ARHGAP6: variants seen among roughly 807,000 people sequenced by gnomAD.
The protein encoded by ARHGAP6 is Rho GTPase activating protein 6, also known as rho GTPase-activating protein 6.
In ARHGAP6, 16 loss-of-function variants were observed where a neutral mutation model predicts 55.7. The ratio of observed to expected loss-of-function variants is 0.29; its 90% CI spans 0.19 to 0.44. ARHGAP6 has a LOEUF of 0.44. ARHGAP6 is among the 20% of genes least tolerant of loss of function. The pLI, the probability that ARHGAP6 is intolerant of heterozygous loss-of-function variation, is 1.00. For synonymous variants in ARHGAP6, 382 were observed against 360.9 expected, an observed-to-expected ratio of 1.06 and a Z score of -0.66; for missense variants, 698 against 808.9, an observed-to-expected ratio of 0.86 and a Z score of 1.66.
chrX:11,565,152 G>C (rs1053138214), intron 1 of ARHGAP6, among the ~76,000 whole-genome samples: 1 of 112,285 alleles, frequency 8.9e-6, no homozygotes, highest in African/African-American at 3.2e-5. Context: ...ATAGGTACTA[G>C]TCTTTTCCTA....
intron 1 of ARHGAP6, among the ~76,000 whole-genome samples, chrX:11,258,861 T>G (rs2047523497): frequency 9.0e-6 from 1 of 111,681 alleles, no homozygotes; most frequent in Non-Finnish European, 1.9e-5. Flanking sequence ...TTTCTGTGGG[T>G]TCATAGTAGG....
chrX:11,319,945 T>TG (rs1481988876), intron 1 of ARHGAP6, among the ~76,000 whole-genome samples: 9 of 112,008 alleles, frequency 8.0e-5, no homozygotes, highest in East Asian at 2.8e-4. Flanking sequence ...TCTAAACAGC[T>TG]GGGGGGGAAA....
intron 1 of ARHGAP6, among the ~76,000 whole-genome samples, chrX:11,440,816 A>G (rs1355459843): frequency 8.9e-6 from 1 of 112,268 alleles, no homozygotes; most frequent in Non-Finnish European, 1.9e-5. Flanking sequence ...ATCAGTGGTT[A>G]CAGCACCAGC....
At chrX:11,455,935 A>C in intron 1 of ARHGAP6, among the ~76,000 whole-genome samples, 1 of 112,397 alleles carries the variant, frequency 8.9e-6, no homozygotes, top group Non-Finnish European at 1.9e-5. Flanking sequence ...TGTTGTTATA[A>C]TCTGCAGATG....
At chrX:11,442,629 T>C (rs1007047941) in intron 1 of ARHGAP6, among the ~76,000 whole-genome samples, 2 of 112,334 alleles carry the variant, frequency 1.8e-5, no homozygotes, top group Non-Finnish European at 3.8e-5. Context: ...TCCTTTGCTC[T>C]CTCCTTTGGC....
At chrX:11,588,598 A>G (rs189022433) in intron 1 of ARHGAP6, among the ~76,000 whole-genome samples, 158 of 112,651 alleles carry the variant, frequency 1.4e-3, no homozygotes, top group African/African-American at 4.7e-3. Flanking sequence ...AAGGAAATTA[A>G]GTACTGATAC....
At chrX:11,592,182 T>C in intron 1 of ARHGAP6, among the ~76,000 whole-genome samples, 1 of 112,188 alleles carries the variant, frequency 8.9e-6, no homozygotes, top group Non-Finnish European at 1.9e-5. Flanking sequence ...GGGAAGTTGA[T>C]GACACAGTGT....
chrX:11,344,678 C>CAAAAAAAAAAAAAAAAAAAAACAAAAAA (rs2048752045), intron 1 of ARHGAP6, among the ~76,000 whole-genome samples: 1 of 28,271 alleles, frequency 3.5e-5, no homozygotes, highest in Non-Finnish European at 5.8e-5. Flanking sequence ...AACTCCATCA[C>CAAAAAAAAAAAAAAAAAAAAACAAAAAA]AAAAAAAAAA....
At chrX:11,603,082 G>C (rs1251244213) in intron 1 of ARHGAP6, among the ~76,000 whole-genome samples, 2 of 112,123 alleles carry the variant, frequency 1.8e-5, no homozygotes, top group Non-Finnish European at 3.8e-5. Context: ...GCTCCAGAAA[G>C]GGCCATGAAC....
In ARHGAP6 at chrX:11,275,692, G is replaced by A. The variant is rs184720437; in HGVS notation, c.589-20985C>T. Among the ~76,000 whole-genome samples the A allele has an allele frequency of 6.3e-5, 7 of 111,594 alleles. No homozygotes were observed. The East Asian group carries it at 2.0e-3, about 32-fold the overall frequency. ...AACTCTGAGGTGAAAACACAAGATC[G>A]CTCAAGATCTGGCCACTGCTTAGCT... On this transcript the variant is annotated intron_variant, in intron 1 of 12. Coordinates refer to ENST00000337414, the MANE Select transcript of ARHGAP6 (RefSeq NM_013427.3).
intron 1 of ARHGAP6, among the ~76,000 whole-genome samples, chrX:11,606,886 A>AT (rs761887788): frequency 1.8e-5 from 2 of 112,043 alleles, no homozygotes; most frequent in Non-Finnish European, 3.8e-5. Flanking sequence ...AAATGTAGTG[A>AT]TTACAAATCC....
chrX:11,635,412 A>T (rs2052407408), intron 1 of ARHGAP6, among the ~76,000 whole-genome samples: 2 of 112,140 alleles, frequency 1.8e-5, no homozygotes, highest in South Asian at 3.7e-4. Context: ...TAAAATGAGC[A>T]TATATTACTT....
intron 2 of ARHGAP6, among the ~76,000 whole-genome samples, chrX:11,245,929 A>G (rs773118717): frequency 3.7e-4 from 42 of 112,180 alleles, no homozygotes; most frequent in Non-Finnish European, 7.1e-4. Context: ...AATAGATAGT[A>G]TCTCATATAA....
chrX:11,248,787 G>A (rs1262070724), intron 2 of ARHGAP6, among the ~76,000 whole-genome samples: 5 of 111,669 alleles, frequency 4.5e-5, no homozygotes, highest in African/African-American at 1.3e-4. Flanking sequence ...GTGTGGATGC[G>A]GTGAACAGGG....
intron 1 of ARHGAP6, among the ~76,000 whole-genome samples, chrX:11,493,256 G>A (rs2050589789): frequency 8.9e-6 from 1 of 112,080 alleles, no homozygotes; most frequent in Non-Finnish European, 1.9e-5. Context: ...ACTGTTACAA[G>A]TGGTTATTTC....
intron 1 of ARHGAP6, among the ~76,000 whole-genome samples, chrX:11,291,006 T>C (rs2047983939): frequency 1.8e-5 from 2 of 111,977 alleles, no homozygotes; most frequent in Admixed American, 9.4e-5. Context: ...AACATAAGCA[T>C]TGTGAGAACA....
chrX:11,628,341 G>T (rs1226322659), intron 1 of ARHGAP6, among the ~76,000 whole-genome samples: 1 of 112,205 alleles, frequency 8.9e-6, no homozygotes, highest in Non-Finnish European at 1.9e-5. Flanking sequence ...ATTCTATTAT[G>T]GTTACATTTG....
In ARHGAP6 at chrX:11,466,407, T is replaced by C. The variant is rs180756908; in HGVS notation, c.588+197834A>G. Among the ~76,000 whole-genome samples, 462 of 109,546 alleles carry C rather than the reference T, an allele frequency of 4.2e-3. 4 individuals carry two copies. Among genetic ancestry groups the C allele is most frequent in the African/African-American group, 0.015 (440 of 30,146 alleles). On this transcript the variant is annotated intron_variant, in intron 1 of 12. Coordinates refer to ENST00000337414, the MANE Select transcript of ARHGAP6 (RefSeq NM_013427.3). ...TTATAACCTCTTTGGTATCCTTATATAGGTTGAGAAAGAATATGAAAAAAA... is the reference window on the plus strand; with the variant it reads ...TTATAACCTCTTTGGTATCCTTATACAGGTTGAGAAAGAATATGAAAAAAA...
At chrX:11,190,144 C>A (rs1271664547) in intron 3 of ARHGAP6, among the ~76,000 whole-genome samples, 1 of 111,961 alleles carries the variant, frequency 8.9e-6, no homozygotes, top group Admixed American at 9.5e-5. Flanking sequence ...GGGCTAATGA[C>A]CAAGTCTACA....
Sources: allele counts gnomAD v4.1 joint callset (sites outside exome capture counted in the v4.1 genomes callset), GRCh38; gene constraint gnomAD v4.1.1; transcripts MANE v1.5; gene names NCBI Gene and HGNC (gene_info 2026-07-23, HGNC 2026-07-21).